The following SOX6 variants were observed in gnomAD, a reference collection of about 807,000 sequenced individuals.
SOX6 encodes SRY-box transcription factor 6, also known as transcription factor SOX-6.
In SOX6, 11 loss-of-function variants were observed where a neutral mutation model predicts 97.8. The ratio of observed to expected loss-of-function variants is 0.11; its 90% confidence interval spans 0.07 to 0.19. The LOEUF (loss-of-function observed/expected upper bound fraction) is 0.19. SOX6 is among the 10% of genes least tolerant of loss of function. The pLI, the probability that SOX6 is intolerant of heterozygous loss-of-function variation, is 1.00. For synonymous variants in SOX6, 360 were observed against 371.4 expected (o/e 0.97, Z 0.35); for missense variants, 810 against 1,039.5 (o/e 0.78, Z 3.04).
chr11:16,623,655 G>A (rs1016264703), intron 3 of SOX6, among the ~76,000 whole-genome samples: 1 of 152,104 alleles, frequency 6.6e-6, no homozygotes, highest in Non-Finnish European at 1.5e-5. Context: ...GTCTAGAAGG[G>A]TTTTTCTGAT....
chr11:16,374,832 C>A (rs372129410), intron 1 of SOX6, among the ~76,000 whole-genome samples: 4 of 151,914 alleles, frequency 2.6e-5, no homozygotes, highest in African/African-American at 9.7e-5. Flanking sequence ...TAGGAAAGAG[C>A]AGGTTGGTTT....
At chr11:16,640,115 A>G (rs1848872521) in intron 3 of SOX6, among the ~76,000 whole-genome samples, 1 of 152,208 alleles carries the variant, frequency 6.6e-6, no homozygotes, top group Non-Finnish European at 1.5e-5. Flanking sequence ...AGTTTTTAGT[A>G]TGAAGGGCTG....
At chr11:16,521,676 A>C (rs1861066158) in intron 4 of SOX6, among the ~76,000 whole-genome samples, 1 of 152,138 alleles carries the variant, frequency 6.6e-6, no homozygotes, top group South Asian at 2.1e-4. Flanking sequence ...TGATCAAACT[A>C]CTCCGAGCTA....
At chr11:16,029,158 T>A (rs1464315174) in intron 12 of SOX6, among the ~76,000 whole-genome samples, 1 of 152,184 alleles carries the variant, frequency 6.6e-6, no homozygotes, top group African/African-American at 2.4e-5. Flanking sequence ...GATGCTTAGA[T>A]CACAGGTTAA....
chr11:16,363,078 A>G (rs1565113623), intron 1 of SOX6, among the ~76,000 whole-genome samples: 1 of 152,188 alleles, frequency 6.6e-6, no homozygotes, highest in African/African-American at 2.4e-5. Flanking sequence ...AGCAGTGAAC[A>G]AGATAAAATA....
chr11:16,400,124 C>T (rs1024633471), intron 1 of SOX6, among the ~76,000 whole-genome samples: 2 of 151,190 alleles, frequency 1.3e-5, no homozygotes, highest in Middle Eastern at 3.2e-3. Flanking sequence ...AAGACACTGG[C>T]GAATATGAGG....
chr11:16,668,266 C>G (rs1847822117), intron 3 of SOX6, among the ~76,000 whole-genome samples: 1 of 143,278 alleles, frequency 7.0e-6, no homozygotes, highest in South Asian at 2.5e-4. Flanking sequence ...CCAACTACTC[C>G]AGAGGCTGAG....
chr11:16,501,037 C>T lies in SOX6; in HGVS notation n.610-24649G>A, dbSNP rs181396736. Among the ~76,000 whole-genome samples the T allele has an allele frequency of 3.5e-4, 54 of 152,236 alleles. No individual in the cohort carries two copies. The East Asian group carries it at 0.01, about 29-fold the overall frequency. On this transcript the variant is annotated intron_variant and non_coding_transcript_variant, in intron 4 of 5. Coordinates refer to the SOX6 transcript ENST00000524520. ...AGCCAAAAGAACAAAGATGGAAGCA[C>T]CACGCTACCTGACTTCAAACTATAC...
chr11:16,463,431 C>T (rs147649675), intron 1 of SOX6, among the ~76,000 whole-genome samples: 1 of 152,130 alleles, frequency 6.6e-6, no homozygotes, highest in Admixed American at 6.5e-5. Flanking sequence ...GTGATAAATA[C>T]CAATCATTTT....
chr11:15,978,778 G>T (rs1285478375), intron 15 of SOX6, among the ~76,000 whole-genome samples: 2 of 136,930 alleles, frequency 1.5e-5, no homozygotes, highest in African/African-American at 5.3e-5. Context: ...TAGGAGCAAA[G>T]GGCTCACTGG....
At chr11:16,070,860 C>T (rs929685056) in intron 9 of SOX6, among the ~76,000 whole-genome samples, 1 of 152,214 alleles carries the variant, frequency 6.6e-6, no homozygotes, top group African/African-American at 2.4e-5. Context: ...TCCCATCACA[C>T]TTCTAGACTG....
At chr11:16,097,725 G>A in intron 7 of SOX6, 37 bp from the exon 8 acceptor site, 2 of 1,564,110 alleles carry the variant, frequency 1.3e-6, no homozygotes, top group South Asian at 2.2e-5. Context: ...TTTAGACAAT[G>A]CACAGGGAAT....
intron 1 of SOX6, among the ~76,000 whole-genome samples, chr11:16,414,308 T>A (rs1257732251): frequency 6.6e-6 from 1 of 152,232 alleles, no homozygotes; most frequent in Non-Finnish European, 1.5e-5. Context: ...TTAACTCATC[T>A]GCAAATTCAA....
chr11:16,509,432 A>T (rs575275634), intron 4 of SOX6, among the ~76,000 whole-genome samples: 5 of 152,164 alleles, frequency 3.3e-5, no homozygotes, highest in Admixed American at 1.3e-4. Flanking sequence ...AGTACAACTG[A>T]CTAAATCTAA....
At chr11:16,078,452 A>G (rs1189348205) in intron 9 of SOX6, among the ~76,000 whole-genome samples, 1 of 152,190 alleles carries the variant, frequency 6.6e-6, no homozygotes, top group Non-Finnish European at 1.5e-5. Flanking sequence ...GAGTCCAATC[A>G]TGTATTTTTA....
chr11:16,141,028 C>G (rs960535543), intron 6 of SOX6, among the ~76,000 whole-genome samples: 2 of 151,822 alleles, frequency 1.3e-5, no homozygotes, highest in Non-Finnish European at 2.9e-5. Context: ...ACAGGAGAAT[C>G]ACTTGAACCT....
chr11:16,504,426 G>A lies in SOX6; in HGVS notation n.610-28038C>T, dbSNP rs117127360. 7.0e-3 allele frequency among the ~76,000 whole-genome samples: 1,059 copies of A among 152,194 alleles called. 3 individuals are homozygous for A. Among genetic ancestry groups the A allele is most frequent in the Non-Finnish European group, 0.011 (775 of 68,020 alleles). On this transcript the variant is annotated intron_variant and non_coding_transcript_variant, in intron 4 of 5. Coordinates refer to the SOX6 transcript ENST00000524520. ...TACAAAATACATATAAAAATCTGAA[G>A]TAATTCTATGCACCAATAATAAATT... is the stretch of plus-strand genomic sequence containing the variant.
chr11:16,364,875 T>C (rs1304633561), intron 1 of SOX6, among the ~76,000 whole-genome samples: 4 of 152,222 alleles, frequency 2.6e-5, no homozygotes, highest in Non-Finnish European at 5.9e-5. Context: ...GACAAGCTGT[T>C]CAAATTATTT....
intron 3 of SOX6, among the ~76,000 whole-genome samples, chr11:16,681,594 A>G (rs1847928235): frequency 6.6e-6 from 1 of 152,228 alleles, no homozygotes; most frequent in Admixed American, 6.5e-5. Flanking sequence ...GCAGAAGGCA[A>G]GAAATAACTA....
Sources: gnomAD v4.1 joint callset for allele counts (sites outside exome capture counted in the v4.1 genomes callset) on GRCh38, gnomAD v4.1.1 for gene constraint, MANE v1.5 for transcripts, NCBI Gene and HGNC (gene_info 2026-07-23, HGNC 2026-07-21) for gene names.